Variants in OAT observed in about 807,000 individuals in gnomAD.
The protein encoded by OAT is ornithine aminotransferase, mitochondrial.
In OAT, 35 loss-of-function variants were observed where a neutral mutation model predicts 48.4. That is an observed-to-expected ratio of 0.72 (90% CI 0.55 to 0.96). The LOEUF is 0.96. Among genes scored for constraint, OAT ranks in the 40% least tolerant of loss-of-function variants. The pLI, the probability that OAT is intolerant of heterozygous loss-of-function variation, is 0.00. For missense variants in OAT, 438 were observed against 537.9 expected, an observed-to-expected ratio of 0.81 and a Z score of 1.84; for synonymous variants, 182 against 198.4, an observed-to-expected ratio of 0.92 and a Z score of 0.70.
In OAT at chr10:124,408,532, T is replaced by C; in HGVS notation, c.520+10A>G. ...TTCAATCATAGAAGTTAATATTTAA[T>C]TTCACATACCTGCAAAAACAATCTT... On this transcript the variant is annotated intron_variant, in intron 4 of 9. Transcript: ENST00000368845. 6.3e-7 allele frequency: 1 copy of C among 1,597,600 alleles called. No homozygotes were observed. The highest frequency in any genetic ancestry group is 8.6e-7 in the Non-Finnish European group (1 of 1,167,298).
At chr10:124,410,537 TA>T (rs1274272818) in intron 2 of OAT, among the ~76,000 whole-genome samples, 6 of 152,234 alleles carry the variant, frequency 3.9e-5, no homozygotes, top group Non-Finnish European at 8.8e-5. Context: ...CTGGGCACAG[TA>T]GCTCACACCT....
At position 124,397,850 on chromosome 10, in the gene OAT, GAGT is replaced by G; in HGVS notation, c.*89_*91del. The stretch of plus-strand genomic sequence containing the variant: ...AAAAAAAGTTTTTGAAGACTCATGG[GAGT>G]GGAATGTGCCCACATTAGGAATAAA... On this transcript the variant is annotated 3_prime_UTR_variant, in exon 10 of 10. Transcript: ENST00000368845. 8.1e-6 allele frequency: 12 copies of G among 1,489,634 alleles called. No individual in the cohort carries two copies. The highest frequency in any genetic ancestry group is 1.1e-5 in the Non-Finnish European group (12 of 1,069,624). 92.3% of individuals were successfully genotyped at this position (1,489,634 alleles called of 1,614,324 possible).
chr10:124,402,009 G>A (rs1333200242), intron 7 of OAT, among the ~76,000 whole-genome samples, 170 bp from the exon 8 acceptor site: 2 of 151,280 alleles, frequency 1.3e-5, no homozygotes, highest in Admixed American at 6.6e-5. Flanking sequence ...AGCCTCCCAA[G>A]TAGCTAGGAT....
At chr10:124,404,028 C>T in intron 5 of OAT, 108 bp from the exon 6 acceptor site, 16 of 1,321,414 alleles carry the variant, frequency 1.2e-5, no homozygotes, top group South Asian at 3.7e-5. Flanking sequence ...ATCAAGTTTT[C>T]GCACTAACGT....
At position 124,405,428 on chromosome 10, in the gene OAT, T is replaced by G. The variant is rs1951545729; in HGVS notation, c.648+8A>C. On this transcript the variant is annotated splice_region_variant and intron_variant, in intron 5 of 9. Coordinates refer to ENST00000368845, the MANE Select transcript of OAT (RefSeq NM_000274.4). ...AATGAGCTGAGCACTATGATGCTAGTGAAATACCTCCAGTGCGGGCAGATC... is the reference window on the plus strand; with the variant it reads ...AATGAGCTGAGCACTATGATGCTAGGGAAATACCTCCAGTGCGGGCAGATC... The G allele has an allele frequency of 6.2e-7, 1 of 1,613,448 alleles. No individual in the cohort carries two copies. Among genetic ancestry groups the G allele is most frequent in the Non-Finnish European group, 8.5e-7 (1 of 1,179,452 alleles).
At chr10:124,407,133 C>A (rs769950380) in intron 4 of OAT, 37 of 985,336 alleles carry the variant, frequency 3.8e-5, no homozygotes, top group Non-Finnish European at 4.5e-5. Flanking sequence ...GCATCCCTTA[C>A]CCACAAGTAA....
chr10:124,401,723 T>C lies in OAT; in HGVS notation c.1014+3A>G. ...GACACTGTGTGGCTGTATCAGTCTTTACCTCAAGGGCTGCGATGGCCACTC... is the reference window on the plus strand; with the variant it reads ...GACACTGTGTGGCTGTATCAGTCTTCACCTCAAGGGCTGCGATGGCCACTC... On this transcript the variant is annotated splice_donor_region_variant and intron_variant, in intron 8 of 9. Coordinates refer to ENST00000368845, the MANE Select transcript of OAT (RefSeq NM_000274.4). 6.3e-7 allele frequency: 1 copy of C among 1,599,814 alleles called. No homozygotes were observed. Among genetic ancestry groups the C allele is most frequent in the East Asian group, 2.2e-5 (1 of 44,822 alleles).
chr10:124,414,531 A>G (rs541751996), intron 1 of OAT: 2 of 152,330 alleles, frequency 1.3e-5, no homozygotes, highest in South Asian at 2.1e-4. Flanking sequence ...GGTACCAACA[A>G]TCAAAACAAA....
intron 5 of OAT, 55 bp from the exon 6 acceptor site, chr10:124,403,975 A>G (rs892393991): frequency 7.5e-6 from 12 of 1,604,822 alleles, no homozygotes; most frequent in Admixed American, 1.7e-5. Flanking sequence ...ACACTTGGAA[A>G]TCTGAAAGCA....
chr10:124,404,246 C>A (rs1267504287), intron 5 of OAT, among the ~76,000 whole-genome samples: 1 of 151,342 alleles, frequency 6.6e-6, no homozygotes, highest in Non-Finnish European at 1.5e-5. Flanking sequence ...GCGCACCATG[C>A]CCAGCTAATT....
chr10:124,405,917 G>T, intron 4 of OAT: 1 of 1,163,712 alleles, frequency 8.6e-7, no homozygotes, highest in Non-Finnish European at 1.1e-6. Context: ...GTTTTCTAGA[G>T]AAGGTGCATT....
chr10:124,402,243 G>A (rs1589699838), intron 7 of OAT, among the ~76,000 whole-genome samples: 6 of 152,202 alleles, frequency 3.9e-5, no homozygotes, highest in Admixed American at 3.9e-4. Context: ...GTTTACATCT[G>A]CCAACCTAAC....
In OAT at chr10:124,412,156, C is replaced by T. The variant is rs1951775754; in HGVS notation, c.16G>A (p.Ala6Thr). MFSKL[A>T]HLQRFAVLSR... is the part of the protein sequence containing the mutation. ...AGTACAGCAAACCTCTGCAAATGTG[C>T]TAGTTTGGAAAACATTGTGTCCTTC... The change falls in exon 2 of 10, where the codon GCA (alanine) becomes ACA (threonine). Residue 6 changes from alanine (A) to threonine (T), a missense_variant. Transcript: ENST00000368845. The T allele has an allele frequency of 6.2e-7, 1 of 1,613,782 alleles. No individual in the cohort carries two copies. The highest frequency in any genetic ancestry group is 1.3e-5 in the African/African-American group (1 of 74,900).
chr10:124,418,906 G>A lies in OAT; in HGVS notation c.-63C>T, dbSNP rs187517997. The A allele has an allele frequency of 1.3e-5, 2 of 152,412 alleles. No homozygotes were observed. The highest frequency in any genetic ancestry group is 1.9e-4 in the East Asian group (1 of 5,166). The allele number at this position is 152,412 out of a possible 1,614,324, so 9.4% of individuals were successfully genotyped here. ...GCCTGAGGACAACCGGGTACACGCG[G>A]CGTCTATGAAGCGCAACAGTGACGC... On this transcript the variant is annotated 5_prime_UTR_variant, in exon 1 of 10. Transcript: ENST00000368845.
intron 5 of OAT, 41 bp downstream of exon 5, chr10:124,405,395 C>T (rs1951543779): frequency 1.2e-6 from 2 of 1,611,224 alleles, no homozygotes; most frequent in Non-Finnish European, 1.7e-6. Context: ...GCTTTAATTT[C>T]TATTCCCAAT....
chr10:124,412,579 G>A (rs533799641), intron 1 of OAT, among the ~76,000 whole-genome samples: 1 of 152,102 alleles, frequency 6.6e-6, no homozygotes, highest in East Asian at 1.9e-4. Flanking sequence ...GCCAAGATGG[G>A]AGGATCGCTT....
Position 124,403,930 on chromosome 10 carries a change from A to C in OAT, c.649-10T>G, listed in dbSNP as rs1951497945. The stretch of plus-strand genomic sequence containing the variant: ...GATCCTGAAGAGCACGCTACAGAAG[A>C]AACAGGAATAAGTTTTAATAACTTC... On this transcript the variant is annotated splice_polypyrimidine_tract_variant and intron_variant, in intron 5 of 9. Coordinates refer to ENST00000368845, the MANE Select transcript of OAT (RefSeq NM_000274.4). 1 of 1,614,036 alleles carries C rather than the reference A, an allele frequency of 6.2e-7. No individual in the cohort carries two copies. The highest frequency in any genetic ancestry group is 2.2e-5 in the East Asian group (1 of 44,876).
intron 4 of OAT, 124 bp from the exon 5 acceptor site, chr10:124,405,687 T>A (rs1951555636): frequency 1.3e-6 from 2 of 1,526,904 alleles, no homozygotes; most frequent in Admixed American, 4.0e-5. Flanking sequence ...TTAGTGCACC[T>A]TCGGTGGGCT....
intron 6 of OAT, chr10:124,403,393 A>G (rs998041170): frequency 4.6e-6 from 2 of 433,712 alleles, no homozygotes; most frequent in Non-Finnish European, 8.5e-6. Flanking sequence ...TGTTTATTCC[A>G]CAAGCATTTA....
Sources: allele counts gnomAD v4.1 joint callset (sites outside exome capture counted in the v4.1 genomes callset), GRCh38; gene constraint gnomAD v4.1.1; transcripts MANE v1.5; gene names NCBI Gene and HGNC (gene_info 2026-07-23, HGNC 2026-07-21).